The following TNFAIP8 variants were observed in gnomAD, a reference collection of about 807,000 sequenced individuals.
TNFAIP8 encodes tumor necrosis factor alpha-induced protein 8.
A neutral mutation model predicts 13.3 loss-of-function variants in TNFAIP8; 7 were observed. The observed-to-expected ratio is 0.52, with a 90% confidence interval of 0.30 to 0.99. TNFAIP8 has a LOEUF of 0.99. Ranked by LOEUF, TNFAIP8 falls within the 50% of genes least tolerant of loss-of-function variation. The probability of loss-of-function intolerance (pLI) is 0.07; values close to 1 mark genes in which losing one functional copy is unlikely to be tolerated. For synonymous variants in TNFAIP8, 94 were observed against 87.6 expected (o/e 1.07, Z -0.41); for missense variants, 258 against 236.9 (o/e 1.09, Z -0.58).
At chr5:119,387,222 T>C (rs750883577) in intron 1 of TNFAIP8, among the ~76,000 whole-genome samples, 1 of 152,190 alleles carries the variant, frequency 6.6e-6, no homozygotes, top group Non-Finnish European at 1.5e-5. Flanking sequence ...CACTTTCTTA[T>C]CACCAAAGCT....
chr5:119,346,515 G>A (rs544155844), intron 1 of TNFAIP8, among the ~76,000 whole-genome samples: 10 of 152,220 alleles, frequency 6.6e-5, no homozygotes, highest in African/African-American at 2.4e-4. Flanking sequence ...GGTGAATTTC[G>A]AGCTGTGAGG....
At chr5:119,323,471 T>C (rs750981987) in intron 1 of TNFAIP8, among the ~76,000 whole-genome samples, 4 of 152,202 alleles carry the variant, frequency 2.6e-5, no homozygotes, top group Admixed American at 1.3e-4. Flanking sequence ...CCTCAATAAA[T>C]ATTTGTTAAA....
chr5:119,298,775 G>C (rs1023695898), intron 1 of TNFAIP8, among the ~76,000 whole-genome samples: 3 of 151,868 alleles, frequency 2.0e-5, no homozygotes, highest in African/African-American at 7.3e-5. Context: ...TTTTCACATA[G>C]TCCCATATTT....
At chr5:119,378,753 T>C (rs979271830) in intron 1 of TNFAIP8, among the ~76,000 whole-genome samples, 1 of 152,188 alleles carries the variant, frequency 6.6e-6, no homozygotes, top group Admixed American at 6.5e-5. Flanking sequence ...TGAAAATGCA[T>C]TTCTTTTACA....
At chr5:119,365,947 G>T (rs2112799942) in intron 1 of TNFAIP8, among the ~76,000 whole-genome samples, 1 of 152,196 alleles carries the variant, frequency 6.6e-6, no homozygotes, top group Middle Eastern at 3.4e-3. Flanking sequence ...AAATAGCAAA[G>T]AAAGTTAAGG....
At chr5:119,369,850 T>G (rs32652) in intron 1 of TNFAIP8, among the ~76,000 whole-genome samples, 115,323 of 152,116 alleles carry the variant, frequency 0.76, 44,625 homozygotes, top group African/African-American at 0.93. Context: ...GGATCACTGT[T>G]CTCACGCCTA....
Position 119,393,556 on chromosome 5 carries a change from C to T in TNFAIP8, c.*175C>T. On this transcript the variant is annotated 3_prime_UTR_variant, in exon 2 of 2. Transcript: ENST00000504771. ...AAGGCTTGTTTTATTTGAAGAAAAG[C>T]ATATTGCCAAAAATTCTGGTTAAAA... is the stretch of plus-strand genomic sequence containing the variant. The T allele has an allele frequency of 4.1e-6, 3 of 727,738 alleles. No individual in the cohort carries two copies. The highest frequency in any genetic ancestry group is 3.1e-5 in the Admixed American group (1 of 32,554). The allele number at this position is 727,738 out of a possible 1,614,324, so 45.1% of individuals were successfully genotyped here. A position where few individuals can be genotyped will look rare whatever the true frequency, so the allele number is the denominator to read the frequency against.
intron 1 of TNFAIP8, among the ~76,000 whole-genome samples, chr5:119,363,953 A>T (rs1421600129): frequency 6.6e-6 from 1 of 152,214 alleles, no homozygotes. Flanking sequence ...TTACTGATTT[A>T]TTCTAAAGGA....
chr5:119,388,884 TCCTC>T (rs1316002385), intron 1 of TNFAIP8, among the ~76,000 whole-genome samples: 1 of 151,794 alleles, frequency 6.6e-6, no homozygotes, highest in African/African-American at 2.4e-5. Context: ...GCTCAAGTGA[TCCTC>T]CCACCTTATC....
At chr5:119,350,426 A>G (rs1180887317) in intron 1 of TNFAIP8, among the ~76,000 whole-genome samples, 1 of 152,228 alleles carries the variant, frequency 6.6e-6, no homozygotes, top group African/African-American at 2.4e-5. Flanking sequence ...GGTATCCTCA[A>G]GGGTCTTGGA....
intron 1 of TNFAIP8, among the ~76,000 whole-genome samples, chr5:119,364,762 C>G (rs1350334490): frequency 6.6e-6 from 1 of 150,972 alleles, no homozygotes; most frequent in South Asian, 2.1e-4. Flanking sequence ...GCTCTTCATA[C>G]TGGGGGAAAG....
At chr5:119,380,927 T>A (rs2112838738) in intron 1 of TNFAIP8, among the ~76,000 whole-genome samples, 1 of 152,334 alleles carries the variant, frequency 6.6e-6, no homozygotes. Context: ...GAAAAAAATC[T>A]TGAGAGGGAA....
chr5:119,276,061 C>G (rs113478293), intron 1 of TNFAIP8, among the ~76,000 whole-genome samples: 1 of 151,714 alleles, frequency 6.6e-6, no homozygotes, highest in African/African-American at 2.4e-5. Context: ...CCAAGCCCAA[C>G]AAGCATATCC....
intron 1 of TNFAIP8, among the ~76,000 whole-genome samples, chr5:119,331,116 T>TA (rs1750363621): frequency 1.3e-5 from 2 of 152,152 alleles, no homozygotes; most frequent in Admixed American, 1.3e-4. Context: ...GGGTGATGCA[T>TA]CCACATTGGG....
intron 1 of TNFAIP8, among the ~76,000 whole-genome samples, chr5:119,278,154 T>C (rs1189686437): frequency 6.6e-6 from 1 of 152,136 alleles, no homozygotes; most frequent in East Asian, 1.9e-4. Context: ...AATTGTCTTA[T>C]ATGAAGGGCA....
intron 1 of TNFAIP8, among the ~76,000 whole-genome samples, chr5:119,342,078 C>A (rs1432896325): frequency 6.6e-6 from 1 of 152,188 alleles, no homozygotes; most frequent in Non-Finnish European, 1.5e-5. Context: ...TGAGTGAATT[C>A]TTTACTCTTA....
rs757414375 is a variant in TNFAIP8, at chr5:119,396,212, G to A, written c.*2831G>A. 2.0e-5 allele frequency: 3 copies of A among 152,268 alleles called. No individual in the cohort carries two copies. The highest frequency in any genetic ancestry group is 4.1e-4 in the South Asian group (2 of 4,834). The allele number at this position is 152,268 out of a possible 1,614,324, so 9.4% of individuals were successfully genotyped here. ...AGGAACATCTTTGGCTCAGAGAAGC[G>A]TGGGCAGTATGCTGCTGAAATGGTT... is the stretch of plus-strand genomic sequence containing the variant. On this transcript the variant is annotated 3_prime_UTR_variant, in exon 2 of 2. Transcript: ENST00000504771.
chr5:119,313,087 T>A (rs1749783283), intron 1 of TNFAIP8, among the ~76,000 whole-genome samples: 1 of 152,204 alleles, frequency 6.6e-6, no homozygotes, highest in Non-Finnish European at 1.5e-5. Flanking sequence ...AGAATTACAC[T>A]GAGAAGATAT....
upstream of TNFAIP8, chr5:119,355,089 C>T (rs1490806077): frequency 2.8e-5 from 15 of 530,460 alleles, no homozygotes; most frequent in Non-Finnish European, 4.7e-5. Context: ...AAGGGGACTT[C>T]CTCTCAGCCA....
Sources: gnomAD v4.1 joint callset for allele counts (sites outside exome capture counted in the v4.1 genomes callset) on GRCh38, gnomAD v4.1.1 for gene constraint, MANE v1.5 for transcripts, NCBI Gene and HGNC (gene_info 2026-07-23, HGNC 2026-07-21) for gene names.